The following SORCS1 variants were observed in gnomAD, a reference collection of about 807,000 sequenced individuals.
SORCS1 encodes VPS10 domain-containing receptor SorCS1.
In SORCS1, 60 loss-of-function variants were observed where a neutral mutation model predicts 146.1. That is an observed-to-expected ratio of 0.41 (90% confidence interval 0.33 to 0.51). The LOEUF is 0.51. Ranked by LOEUF, SORCS1 falls within the 20% of genes least tolerant of loss-of-function variation. SORCS1 has a pLI of 0.21. For synonymous variants in SORCS1, 637 were observed against 584.0 expected (o/e 1.09, Z -1.31); for missense variants, 1,352 against 1,487.6 (o/e 0.91, Z 1.50).
chr10:106,782,373 G>A (rs1049224727), intron 3 of SORCS1, among the ~76,000 whole-genome samples: 7 of 152,058 alleles, frequency 4.6e-5, no homozygotes, highest in East Asian at 1.9e-4. Flanking sequence ...CTCCCATCTC[G>A]GCCTCCCAAA....
At chr10:106,618,862 A>G (rs1268377082) in intron 20 of SORCS1, among the ~76,000 whole-genome samples, 1 of 152,084 alleles carries the variant, frequency 6.6e-6, no homozygotes, top group African/African-American at 2.4e-5. Context: ...CACTAATTGG[A>G]TAGTGGTTTG....
At chr10:107,150,205 A>G (rs1174977574) in intron 1 of SORCS1, among the ~76,000 whole-genome samples, 1 of 152,234 alleles carries the variant, frequency 6.6e-6, no homozygotes, top group African/African-American at 2.4e-5. Flanking sequence ...CTGACACAAC[A>G]GCCACTTCAA....
intron 9 of SORCS1, among the ~76,000 whole-genome samples, chr10:106,697,904 A>C (rs1853829336): frequency 6.6e-6 from 1 of 152,232 alleles, no homozygotes; most frequent in Admixed American, 6.5e-5. Flanking sequence ...CACAATATGT[A>C]AATTTCTTCT....
intron 8 of SORCS1, among the ~76,000 whole-genome samples, chr10:106,702,761 G>T (rs1854225336): frequency 6.6e-6 from 1 of 152,028 alleles, no homozygotes; most frequent in South Asian, 2.1e-4. Flanking sequence ...TCTATTGGGA[G>T]AAATGCGCTT....
chr10:106,667,878 C>T, intron 16 of SORCS1, 76 bp from the exon 17 acceptor site: 5 of 937,092 alleles, frequency 5.3e-6, no homozygotes, highest in South Asian at 1.4e-5. Flanking sequence ...CAGTCCACAG[C>T]CAAGTTCCAC....
chr10:106,807,184 A>T (rs1231823647), intron 3 of SORCS1, among the ~76,000 whole-genome samples: 2 of 151,842 alleles, frequency 1.3e-5, no homozygotes, highest in African/African-American at 4.9e-5. Flanking sequence ...TGAAGAAGGA[A>T]GGAAGGAAGG....
chr10:106,639,705 C>T (rs977778245), intron 18 of SORCS1, among the ~76,000 whole-genome samples: 1 of 152,162 alleles, frequency 6.6e-6, no homozygotes, highest in East Asian at 1.9e-4. Flanking sequence ...CTCTAAGGCT[C>T]ATCGAAATCA....
intron 18 of SORCS1, among the ~76,000 whole-genome samples, chr10:106,645,731 A>G (rs944099050): frequency 6.6e-6 from 1 of 152,092 alleles, no homozygotes; most frequent in Non-Finnish European, 1.5e-5. Flanking sequence ...TATTTTGCAT[A>G]ATAAAAATAA....
intron 1 of SORCS1, among the ~76,000 whole-genome samples, chr10:107,008,337 G>A (rs1352572887): frequency 1.3e-5 from 2 of 152,124 alleles, no homozygotes; most frequent in Non-Finnish European, 2.9e-5. Flanking sequence ...CAAGTCACAA[G>A]GTCATTTTTA....
At chr10:106,704,723 C>CA (rs1161647043) in intron 8 of SORCS1, among the ~76,000 whole-genome samples, 1 of 151,994 alleles carries the variant, frequency 6.6e-6, no homozygotes, top group African/African-American at 2.4e-5. Context: ...AAAACAAAAA[C>CA]AAAAAACAGT....
At position 106,751,058 on chromosome 10, in the gene SORCS1, C is replaced by CAAAAAAAAAAAAA. The variant is rs35691571; in HGVS notation, c.959+10517_959+10529dup. Among the ~76,000 whole-genome samples, 25 of 22,444 alleles carry CAAAAAAAAAAAAA rather than the reference C, an allele frequency of 1.1e-3. 4 individuals are homozygous for CAAAAAAAAAAAAA. Among genetic ancestry groups the CAAAAAAAAAAAAA allele is most frequent in the African/African-American group, 1.7e-3 (13 of 7,878 alleles). The allele number at this position is 22,444 out of a possible 152,430, so 14.7% of individuals were successfully genotyped here. A position where few individuals can be genotyped will look rare whatever the true frequency, so the allele number is the denominator to read the frequency against. Reference sequence around the variant, plus strand: ...TGGGCGACAGGGTGAGACTCCGTCTCAAAAAAAAAAAAAAAAAAAAAAAAA... The same window carrying CAAAAAAAAAAAAA: ...TGGGCGACAGGGTGAGACTCCGTCTCAAAAAAAAAAAAAAAAAAAAAAAAAAAAAAAAAAAAAA... On this transcript the variant is annotated intron_variant, in intron 5 of 25. Transcript: ENST00000263054.
intron 3 of SORCS1, among the ~76,000 whole-genome samples, chr10:106,813,673 G>A (rs575622765): frequency 1.3e-5 from 2 of 152,286 alleles, no homozygotes; most frequent in East Asian, 1.9e-4. Context: ...GTGGGCTCAC[G>A]CCTGCAATCC....
At chr10:106,977,894 T>C (rs1008151311) in intron 1 of SORCS1, among the ~76,000 whole-genome samples, 2 of 152,198 alleles carry the variant, frequency 1.3e-5, no homozygotes, top group Non-Finnish European at 2.9e-5. Flanking sequence ...CTTTGCAAAA[T>C]GGTAGCACAT....
chr10:106,744,020 C>A (rs909387428), intron 5 of SORCS1, among the ~76,000 whole-genome samples: 1 of 152,118 alleles, frequency 6.6e-6, no homozygotes, highest in African/African-American at 2.4e-5. Context: ...CACTGTTTTG[C>A]CAGCCGTACA....
chr10:106,964,422 G>A (rs918782802), intron 1 of SORCS1, among the ~76,000 whole-genome samples: 1 of 152,134 alleles, frequency 6.6e-6, no homozygotes, highest in Non-Finnish European at 1.5e-5. Flanking sequence ...TCCTGCCTCA[G>A]TGTCCTGGGT....
chr10:106,831,206 AAAAT>A (rs954699876), intron 2 of SORCS1, among the ~76,000 whole-genome samples: 2 of 152,092 alleles, frequency 1.3e-5, no homozygotes, highest in Non-Finnish European at 1.5e-5. Context: ...CATCTCAAAA[AAAAT>A]AAATAAATAA....
intron 5 of SORCS1, among the ~76,000 whole-genome samples, chr10:106,745,491 T>C (rs1418059148): frequency 6.6e-6 from 1 of 152,120 alleles, no homozygotes; most frequent in Non-Finnish European, 1.5e-5. Context: ...TTCACCTTCA[T>C]TAGCACACTA....
chr10:107,115,435 C>A (rs1216869641), intron 1 of SORCS1, among the ~76,000 whole-genome samples: 2 of 151,978 alleles, frequency 1.3e-5, no homozygotes, highest in Non-Finnish European at 2.9e-5. Context: ...AAATAGAGAT[C>A]TCAGAAATAA....
chr10:107,014,097 A>G (rs1407294267), intron 1 of SORCS1, among the ~76,000 whole-genome samples: 2 of 152,078 alleles, frequency 1.3e-5, no homozygotes, highest in Admixed American at 1.3e-4. Flanking sequence ...TACTAAAAAT[A>G]CAAAATTAGC....
Sources: gnomAD v4.1 joint callset for allele counts (sites outside exome capture counted in the v4.1 genomes callset) on GRCh38, gnomAD v4.1.1 for gene constraint, MANE v1.5 for transcripts, NCBI Gene and HGNC (gene_info 2026-07-23, HGNC 2026-07-21) for gene names.